Variants in UHRF2 observed in about 807,000 individuals in gnomAD.
The protein encoded by UHRF2 is ubiquitin like with PHD and ring finger domains 2.
UHRF2 carries 23 observed loss-of-function variants against 96.8 expected under a neutral mutation model. That is an observed-to-expected ratio of 0.24 (90% confidence interval 0.17 to 0.34). UHRF2 has a LOEUF of 0.34. UHRF2 is among the 10% of genes least tolerant of loss of function. UHRF2 has a pLI of 1.00. For missense variants in UHRF2, 685 were observed against 981.5 expected (o/e 0.70, Z 4.04); for synonymous variants, 385 against 332.6 (o/e 1.16, Z -1.72).
At chr9:6,450,548 G>A (rs1226015779) in intron 3 of UHRF2, among the ~76,000 whole-genome samples, 1 of 152,134 alleles carries the variant, frequency 6.6e-6, no homozygotes, top group Non-Finnish European at 1.5e-5. Flanking sequence ...ATACTTTTCT[G>A]TGGTAAGATT....
chr9:6,444,846 C>A (rs1365226220), intron 3 of UHRF2, among the ~76,000 whole-genome samples: 1 of 152,142 alleles, frequency 6.6e-6, no homozygotes, highest in African/African-American at 2.4e-5. Flanking sequence ...AGGTGATTGA[C>A]CTGCCCCGGC....
intron 9 of UHRF2, chr9:6,492,739 T>C (rs1824734210): frequency 6.6e-6 from 1 of 152,152 alleles, no homozygotes; most frequent in Non-Finnish European, 1.5e-5. Context: ...TGATAGTTAC[T>C]TTTCTTAATT....
At chr9:6,477,959 C>T (rs1823685734) in intron 6 of UHRF2, 151 bp downstream of exon 6, 1 of 630,718 alleles carries the variant, frequency 1.6e-6, no homozygotes, top group Non-Finnish European at 2.6e-6. Flanking sequence ...TAGCTCTATT[C>T]AATTACTGTA....
At chr9:6,422,545 G>A (rs1318438964) in intron 2 of UHRF2, 5 of 457,666 alleles carry the variant, frequency 1.1e-5, no homozygotes, top group Non-Finnish European at 2.0e-5. Flanking sequence ...TTGGAGAATC[G>A]ACATCTTTAC....
intron 4 of UHRF2, among the ~76,000 whole-genome samples, chr9:6,473,726 A>G (rs1240095123): frequency 6.6e-6 from 1 of 152,304 alleles, no homozygotes; most frequent in South Asian, 2.1e-4. Flanking sequence ...TGTCACAACT[A>G]CTTAACTCCC....
intron 1 of UHRF2, among the ~76,000 whole-genome samples, chr9:6,419,014 G>A (rs562630929): frequency 6.6e-6 from 1 of 152,232 alleles, no homozygotes; most frequent in East Asian, 1.9e-4. Context: ...TCTTCCGGCT[G>A]CATCTTTCCA....
In UHRF2 at chr9:6,505,051, A is replaced by G. The variant is rs368880762; in HGVS notation, c.2262+360A>G. The stretch of plus-strand genomic sequence containing the variant: ...TCATATAAAACAGTTTATACCTAGC[A>G]TCATGCCCAGATGAATTGAATATTG... On this transcript the variant is annotated intron_variant, in intron 15 of 15. Coordinates refer to ENST00000276893, the MANE Select transcript of UHRF2 (RefSeq NM_152896.3). 3.2e-4 allele frequency among the ~76,000 whole-genome samples: 48 copies of G among 152,322 alleles called. No individual in the cohort carries two copies. In the East Asian group the frequency reaches 6.9e-3, roughly 22 times the overall value.
chr9:6,458,413 A>G lies in UHRF2; in HGVS notation c.645-2160A>G, dbSNP rs549082076. Among the ~76,000 whole-genome samples, 9 of 145,568 alleles carry G rather than the reference A, an allele frequency of 6.2e-5. No individual in the cohort carries two copies. The South Asian group carries it at 1.5e-3, about 24-fold the overall frequency. ...TCTATGTTAGTCTGGCTGGCAGTCT[A>G]TTTTGCTGATCTTTTCAAAAAACCA... On this transcript the variant is annotated intron_variant, in intron 3 of 15. Transcript: ENST00000276893.
At chr9:6,492,995 T>C (rs1824755307) in intron 9 of UHRF2, among the ~76,000 whole-genome samples, 1 of 152,160 alleles carries the variant, frequency 6.6e-6, no homozygotes, top group Non-Finnish European at 1.5e-5. Context: ...TTAACTATGC[T>C]GTTAGAATTT....
intron 6 of UHRF2, among the ~76,000 whole-genome samples, chr9:6,480,620 A>G (rs1057354864): frequency 1.3e-5 from 2 of 152,202 alleles, no homozygotes; most frequent in African/African-American, 4.8e-5. Context: ...TTCTCATCAG[A>G]GAGATAATAC....
chr9:6,468,224 G>C (rs922248492), intron 4 of UHRF2, among the ~76,000 whole-genome samples: 1 of 152,092 alleles, frequency 6.6e-6, no homozygotes, highest in Non-Finnish European at 1.5e-5. Flanking sequence ...ATTTAGTTTT[G>C]TGCATAAAGA....
chr9:6,440,880 C>T (rs544081359), intron 3 of UHRF2, among the ~76,000 whole-genome samples: 1 of 152,174 alleles, frequency 6.6e-6, no homozygotes, highest in African/African-American at 2.4e-5. Flanking sequence ...CTGAGGGAGC[C>T]CCCTTCCCTC....
rs183633752 is a variant in UHRF2 at position 6,459,928 on chromosome 9, G to A, written c.645-645G>A. Among the ~76,000 whole-genome samples, 80 of 152,308 alleles carry A rather than the reference G, an allele frequency of 5.3e-4. 3 individuals are homozygous for A. Among genetic ancestry groups the A allele is most frequent in the Admixed American group, 4.4e-3 (67 of 15,304 alleles). ...TTTGAGGCTACAGTGAGCTATTATC[G>A]TGTCACTGTACTGCAGCCTAGGTGG... is the stretch of plus-strand genomic sequence containing the variant. On this transcript the variant is annotated intron_variant, in intron 3 of 15. Coordinates refer to ENST00000276893, the MANE Select transcript of UHRF2 (RefSeq NM_152896.3).
chr9:6,435,305 T>C (rs1820776376), intron 3 of UHRF2, among the ~76,000 whole-genome samples: 1 of 152,134 alleles, frequency 6.6e-6, no homozygotes, highest in African/African-American at 2.4e-5. Flanking sequence ...GCTAATTTTT[T>C]TGTAGAGATG....
At chr9:6,437,016 A>G (rs1820890353) in intron 3 of UHRF2, among the ~76,000 whole-genome samples, 1 of 152,250 alleles carries the variant, frequency 6.6e-6, no homozygotes, top group East Asian at 1.9e-4. Context: ...TATAACATAA[A>G]TAAGCTCCTG....
Position 6,450,423 on chromosome 9 carries a change from G to A in UHRF2, c.645-10150G>A, listed in dbSNP as rs188164316. 2.6e-3 allele frequency among the ~76,000 whole-genome samples: 388 copies of A among 150,340 alleles called. 2 individuals are homozygous for A. The highest frequency in any genetic ancestry group is 3.2e-3 in the Non-Finnish European group (219 of 67,908). ...TGACACATTCTTCTGTTATGTGTTA[G>A]TTTCCTGAGAAGCTAATAATTAAAG... On this transcript the variant is annotated intron_variant, in intron 3 of 15. Transcript: ENST00000276893.
At chr9:6,462,544 T>G (rs1822608513) in intron 4 of UHRF2, among the ~76,000 whole-genome samples, 1 of 152,062 alleles carries the variant, frequency 6.6e-6, no homozygotes. Flanking sequence ...TTAACCTACT[T>G]GAGTGTTGGA....
At chr9:6,482,597 C>T (rs980655982) in intron 8 of UHRF2, among the ~76,000 whole-genome samples, 1 of 147,492 alleles carries the variant, frequency 6.8e-6, no homozygotes, top group South Asian at 2.1e-4. Context: ...ATAAGAGGGG[C>T]CTTTTTTTTT....
chr9:6,482,137 T>G, intron 8 of UHRF2, 38 bp downstream of exon 8: 1 of 1,514,580 alleles, frequency 6.6e-7, no homozygotes, highest in Non-Finnish European at 9.2e-7. Flanking sequence ...AGGGGAGAAT[T>G]GGCTATCAGA....
Sources: gnomAD v4.1 joint callset for allele counts (sites outside exome capture counted in the v4.1 genomes callset) on GRCh38, gnomAD v4.1.1 for gene constraint, MANE v1.5 for transcripts, NCBI Gene and HGNC (gene_info 2026-07-23, HGNC 2026-07-21) for gene names.